The following KCNC4 variants were observed in gnomAD, a reference collection of about 807,000 sequenced individuals.
KCNC4 encodes the protein potassium voltage-gated channel subfamily C member 4, also known as voltage-gated potassium channel KCNC4.
A neutral mutation model predicts 42.8 loss-of-function variants in KCNC4; 23 were observed. The observed-to-expected ratio is 0.54, with a 90% confidence interval of 0.39 to 0.76. KCNC4 has a LOEUF of 0.76. Among genes scored for constraint, KCNC4 ranks in the 30% least tolerant of loss-of-function variants. The pLI is 0.00. For missense variants in KCNC4, 751 were observed against 898.2 expected, an observed-to-expected ratio of 0.84 and a Z score of 2.10; for synonymous variants, 422 against 393.5, an observed-to-expected ratio of 1.07 and a Z score of -0.86.
At chr1:110,276,061 A>G (rs1393877979) in intron 1 of KCNC4, among the ~76,000 whole-genome samples, 1 of 151,988 alleles carries the variant, frequency 6.6e-6, no homozygotes, top group Non-Finnish European at 1.5e-5. Context: ...AAATTCAAAT[A>G]CCATATGTTC....
chr1:110,224,163 T>A, intron 2 of KCNC4: 1 of 445,010 alleles, frequency 2.2e-6, no homozygotes, highest in Non-Finnish European at 4.0e-6. Flanking sequence ...GGGCTGTATA[T>A]TAGATGCCCT....
rs144460481 is a variant in KCNC4 at position 110,229,902 on chromosome 1, G to T, written c.1820-3009G>T. Among the ~76,000 whole-genome samples, 7 of 152,314 alleles carry T rather than the reference G, an allele frequency of 4.6e-5. No homozygotes were observed. The East Asian group carries it at 1.2e-3, about 25-fold the overall frequency. ...GTGCGCCTGGCAATTTTTAGAGTCA[G>T]ATTATGCAATTTTGCGGAGAGAATG... On this transcript the variant is annotated intron_variant, in intron 3 of 3. Transcript: ENST00000438661.
Position 110,225,993 on chromosome 1 carries a change from A to G in KCNC4, c.1634A>G (p.Asp545Gly). 4 of 1,600,328 alleles carry G rather than the reference A, an allele frequency of 2.5e-6. No individual in the cohort carries two copies. Among genetic ancestry groups the G allele is most frequent in the Non-Finnish European group, 3.4e-6 (4 of 1,170,408 alleles). The part of the protein sequence containing the change: ...RKRADSKQNG[D>G]ANAVLSDEEG... ...CCTTCAGACTCTAAGCAGAATGGCG[A>G]TGCCAACGCAGTGCTGTCTGATGAG... Residue 545 changes from aspartate to glycine, a missense_variant, in exon 3 of 4, where the codon GAT becomes GGT. Asp to Gly is a moderately conservative substitution (Grantham distance 94). Around this residue, in one of 4 missense-constraint regions of KCNC4, gnomAD observed 202 missense variants for 181.5 expected, o/e 1.11. Coordinates refer to ENST00000438661, the MANE Select transcript of KCNC4 (RefSeq NM_001039574.3).
At chr1:110,246,582 C>T (rs1445327884) in exon 4 of KCNC4, 1 of 152,262 alleles carries the variant, frequency 6.6e-6, no homozygotes, top group African/African-American at 2.4e-5. Flanking sequence ...TCTTTTGGGC[C>T]TCAGTCAGTC....
downstream of KCNC4, chr1:110,237,572 C>G (rs1246672254): frequency 6.6e-6 from 1 of 152,196 alleles, no homozygotes; most frequent in African/African-American, 2.4e-5. Context: ...CACCAGGGTT[C>G]GTGGGAAGTA....
At chr1:110,231,136 G>A (rs1479626798) in intron 3 of KCNC4, among the ~76,000 whole-genome samples, 1 of 152,220 alleles carries the variant, frequency 6.6e-6, no homozygotes, top group Non-Finnish European at 1.5e-5. Context: ...TGGCAACCTA[G>A]AGACCAATTT....
intron 3 of KCNC4, chr1:110,232,700 T>G: frequency 6.7e-7 from 1 of 1,491,348 alleles, no homozygotes; most frequent in Non-Finnish European, 8.9e-7. Context: ...CTTCCTGGCC[T>G]TTTAGCCCTG....
chr1:110,232,385 C>A, intron 3 of KCNC4: 1 of 1,554,210 alleles, frequency 6.4e-7, no homozygotes, highest in South Asian at 1.2e-5. Context: ...TGGAATATCC[C>A]AGGGTGGTGA....
chr1:110,262,629 T>G (rs867066138), intron 1 of KCNC4, among the ~76,000 whole-genome samples: 1 of 152,238 alleles, frequency 6.6e-6, no homozygotes, highest in Non-Finnish European at 1.5e-5. Flanking sequence ...AAGCTCTAAT[T>G]TCTTAGCAAT....
downstream of KCNC4, among the ~76,000 whole-genome samples, chr1:110,251,011 G>C (rs985027959): frequency 3.3e-5 from 5 of 152,194 alleles, no homozygotes; most frequent in Non-Finnish European, 7.3e-5. Context: ...AGAGAGGGGA[G>C]ACAGGTCCTA....
Position 110,268,624 on chromosome 1 carries a change from A to AAAAG in KCNC4, n.31-13906_31-13903dup, listed in dbSNP as rs1553218083. Among the ~76,000 whole-genome samples the AAAAG allele has an allele frequency of 1.2e-3, 179 of 147,350 alleles. 1 individual carries two copies. Among genetic ancestry groups the AAAAG allele is most frequent in the African/African-American group, 4.5e-3 (175 of 39,194 alleles). ...CTGTCTCAAAAGAAAAAAAAAAAAA[A>AAAAG]AAAGAAAAGAAAAGAAAAAAAAAGA... is the stretch of plus-strand genomic sequence containing the variant. On this transcript the variant is annotated intron_variant and non_coding_transcript_variant, in intron 1 of 2. Coordinates refer to the KCNC4 transcript ENST00000412512.
chr1:110,220,512 T>C (rs1007321144), intron 1 of KCNC4: 5 of 138,754 alleles, frequency 3.6e-5, no homozygotes, highest in Non-Finnish European at 6.1e-5. Context: ...TGGCAGCTCT[T>C]CCTGAACTTG....
intron 3 of KCNC4, 28 bp from the exon 4 acceptor site, chr1:110,232,883 G>A (rs1272565936): frequency 2.5e-6 from 4 of 1,603,316 alleles, no homozygotes; most frequent in South Asian, 2.3e-5. Flanking sequence ...GCGTCCCAGT[G>A]TCTCACACCT....
intron 1 of KCNC4, among the ~76,000 whole-genome samples, chr1:110,257,559 CA>C (rs71580526): frequency 0.28 from 40,365 of 145,172 alleles, 5,626 homozygotes; most frequent in South Asian, 0.35. Flanking sequence ...ACTAAAAATA[CA>C]AAAAAAAAAA....
downstream of KCNC4, chr1:110,236,053 AACTC>A (rs1280053539): frequency 1.3e-5 from 2 of 152,208 alleles, no homozygotes; most frequent in Admixed American, 1.3e-4. Flanking sequence ...ATTTTGGGGC[AACTC>A]ACTCCAGTAA....
At chr1:110,232,753 G>T in intron 3 of KCNC4, 158 bp from the exon 4 acceptor site, 1 of 1,534,608 alleles carries the variant, frequency 6.5e-7, no homozygotes, top group Non-Finnish European at 8.7e-7. Flanking sequence ...CTACTCCTTA[G>T]CCCACACCCT....
chr1:110,210,845 C>T lies in KCNC4; in HGVS notation c.-655C>T, dbSNP rs142660323. On this transcript the variant is annotated 5_prime_UTR_variant, in exon 1 of 4. Coordinates refer to ENST00000438661, the MANE Select transcript of KCNC4 (RefSeq NM_001039574.3). Reference sequence around the variant, plus strand: ...CCGCCCGCCCGGCCGCCGCTCTCTGCTCTGCCCCGCCTGCCTTCCTCGCCC... The same window carrying T: ...CCGCCCGCCCGGCCGCCGCTCTCTGTTCTGCCCCGCCTGCCTTCCTCGCCC... Among the ~76,000 whole-genome samples, 1,736 of 152,248 alleles carry T rather than the reference C, an allele frequency of 0.011. 19 individuals carry two copies. The highest frequency in any genetic ancestry group is 0.018 in the Non-Finnish European group (1,194 of 68,004).
chr1:110,255,002 C>T (rs1659305883), intron 1 of KCNC4, among the ~76,000 whole-genome samples: 1 of 152,234 alleles, frequency 6.6e-6, no homozygotes, highest in South Asian at 2.1e-4. Context: ...GTTGATGAAA[C>T]TCACTGCATA....
At chr1:110,218,176 C>T (rs549076131) in intron 1 of KCNC4, among the ~76,000 whole-genome samples, 6 of 152,288 alleles carry the variant, frequency 3.9e-5, no homozygotes, top group African/African-American at 1.4e-4. Context: ...TGTCTGTCAC[C>T]TCTCCCCTCG....
Sources: gnomAD v4.1 joint callset for allele counts (sites outside exome capture counted in the v4.1 genomes callset) on GRCh38, gnomAD v4.1.1 for gene constraint, gnomAD v4.1.1 regional missense constraint, MANE v1.5 for transcripts, NCBI Gene and HGNC (gene_info 2026-07-23, HGNC 2026-07-21) for gene names.